Variants in ADGRL2 observed in about 807,000 individuals in gnomAD.
ADGRL2 encodes the protein adhesion G protein-coupled receptor L2, also known as calcium-independent alpha-latrotoxin receptor 2.
Under a neutral mutation model 157.4 loss-of-function variants are expected in ADGRL2, and 44 were observed. The ratio of observed to expected loss-of-function variants is 0.28; its 90% CI spans 0.22 to 0.36. ADGRL2 has a LOEUF of 0.36. ADGRL2 is among the 10% of genes least tolerant of loss of function. The probability of loss-of-function intolerance (pLI) is 1.00; values close to 1 mark genes in which losing one functional copy is unlikely to be tolerated. For synonymous variants in ADGRL2, 585 were observed against 624.7 expected (o/e 0.94, Z 0.95); for missense variants, 1,510 against 1,768.9 (o/e 0.85, Z 2.63).
intron 2 of ADGRL2, among the ~76,000 whole-genome samples, chr1:81,446,830 T>C (rs2077605435): frequency 6.6e-6 from 1 of 152,200 alleles, no homozygotes; most frequent in Admixed American, 6.5e-5. Context: ...ATTGATATTT[T>C]GACATAAGTG....
chr1:81,661,423 T>C (rs1477242469), intron 3 of ADGRL2, among the ~76,000 whole-genome samples: 1 of 152,172 alleles, frequency 6.6e-6, no homozygotes, highest in Non-Finnish European at 1.5e-5. Context: ...TTATCAAAGC[T>C]TATAGAAAAA....
At chr1:81,318,195 A>G (rs1660244664) in intron 1 of ADGRL2, among the ~76,000 whole-genome samples, 1 of 152,198 alleles carries the variant, frequency 6.6e-6, no homozygotes. Context: ...CAATAACAGT[A>G]TCAAATTATA....
chr1:81,907,375 A>G (rs2094604800), intron 3 of ADGRL2, 145 bp downstream of exon 3: 2 of 627,914 alleles, frequency 3.2e-6, no homozygotes, highest in South Asian at 3.9e-5. Context: ...TAATGTTGAT[A>G]TCTACACTTT....
chr1:81,805,564 A>G (rs1305446898), intron 1 of ADGRL2, among the ~76,000 whole-genome samples: 1 of 151,800 alleles, frequency 6.6e-6, no homozygotes, highest in Non-Finnish European at 1.5e-5. Context: ...ATTGCCTAAC[A>G]TTTTTAGCTT....
intron 1 of ADGRL2, among the ~76,000 whole-genome samples, chr1:81,709,775 A>G (rs1316209819): frequency 6.6e-6 from 1 of 152,182 alleles, no homozygotes; most frequent in Non-Finnish European, 1.5e-5. Context: ...ATATCATTAT[A>G]AAACAATATT....
rs533100943 is a variant in ADGRL2 at position 81,740,314 on chromosome 1, T to G, written c.-142-21497T>G. Among the ~76,000 whole-genome samples, 5 of 152,338 alleles carry G rather than the reference T, an allele frequency of 3.3e-5. No individual in the cohort carries two copies. The South Asian group carries it at 8.3e-4, about 25-fold the overall frequency. ...ATGCATATCCACTTTAAAAGGTTTA[T>G]TTGAACCAGGACAGAGCACAGTAAG... On this transcript the variant is annotated intron_variant, in intron 1 of 20. Transcript: ENST00000359929.
chr1:81,636,680 G>T, intron 3 of ADGRL2, among the ~76,000 whole-genome samples: 1 of 152,100 alleles, frequency 6.6e-6, no homozygotes, highest in East Asian at 1.9e-4. Flanking sequence ...GTTCTCTAGA[G>T]ATTAATGAAA....
At chr1:81,320,545 A>G (rs1026909754) in intron 1 of ADGRL2, among the ~76,000 whole-genome samples, 1 of 152,220 alleles carries the variant, frequency 6.6e-6, no homozygotes, top group Non-Finnish European at 1.5e-5. Flanking sequence ...TAGGCTGAAG[A>G]ATGGATGTTG....
chr1:81,614,789 C>T (rs762982505), intron 3 of ADGRL2, among the ~76,000 whole-genome samples: 3 of 151,064 alleles, frequency 2.0e-5, no homozygotes, highest in South Asian at 2.1e-4. Flanking sequence ...CTTTGGGAAG[C>T]GGAGGCAGAT....
chr1:81,722,002 C>T, intron 1 of ADGRL2: 1 of 514,718 alleles, frequency 1.9e-6, no homozygotes. Flanking sequence ...GATGAAAATG[C>T]AGAGATAGGA....
chr1:81,372,819 A>G (rs944474199), intron 1 of ADGRL2, among the ~76,000 whole-genome samples: 1 of 152,104 alleles, frequency 6.6e-6, no homozygotes, highest in African/African-American at 2.4e-5. Context: ...TTGATGATGT[A>G]CTCCCATATT....
chr1:81,903,846 C>CACACACACAT (rs556699551), intron 2 of ADGRL2, among the ~76,000 whole-genome samples: 4,903 of 145,640 alleles, frequency 0.034, 101 homozygotes, highest in East Asian at 0.065. Context: ...CACACACACA[C>CACACACACAT]ATATTTGGTT....
chr1:81,967,347 C>T (rs1442410596), intron 13 of ADGRL2, among the ~76,000 whole-genome samples: 1 of 151,768 alleles, frequency 6.6e-6, no homozygotes, highest in African/African-American at 2.4e-5. Context: ...CTGCCAGCTC[C>T]ACCTCCCGGG....
chr1:81,410,136 A>G (rs1449071347), intron 1 of ADGRL2, among the ~76,000 whole-genome samples: 3 of 152,220 alleles, frequency 2.0e-5, no homozygotes, highest in African/African-American at 4.8e-5. Flanking sequence ...CATCTAGAGC[A>G]TGACTTATTT....
chr1:81,487,253 CTG>C (rs2078528521), intron 2 of ADGRL2, among the ~76,000 whole-genome samples: 1 of 151,922 alleles, frequency 6.6e-6, no homozygotes, highest in African/African-American at 2.4e-5. Context: ...GAGTGAGACT[CTG>C]TTTCAAAAAA....
chr1:81,631,136 T>C (rs1045881444), intron 3 of ADGRL2, among the ~76,000 whole-genome samples: 1 of 152,138 alleles, frequency 6.6e-6, no homozygotes, highest in Non-Finnish European at 1.5e-5. Flanking sequence ...GATTTAATCA[T>C]GTCACTCACT....
At chr1:81,975,492 C>A (rs1659951773) in intron 17 of ADGRL2, among the ~76,000 whole-genome samples, 1 of 152,082 alleles carries the variant, frequency 6.6e-6, no homozygotes, top group African/African-American at 2.4e-5. Flanking sequence ...ATTGTTCTCT[C>A]CCTGCCTCTT....
rs765852979 is a variant in ADGRL2, at chr1:81,968,070, A to G, written c.2394A>G (p.Ser798=). ...FNANCSFWNY[S]ERTMMGYWST... ...CAAACTGCTCCTTCTGGAACTACTC[A>G]GAGAGAACTATGATGGGATATTGGT... is the stretch of plus-strand genomic sequence containing the variant. The change falls in exon 14 of 24, where the codon TCA becomes TCG. Residue 798 remains serine (S), a synonymous_variant. Transcript: ENST00000686636. 4 of 1,614,016 alleles carry G rather than the reference A, an allele frequency of 2.5e-6. No individual in the cohort carries two copies. In the East Asian group the frequency reaches 8.9e-5, roughly 36 times the overall value.
intron 3 of ADGRL2, among the ~76,000 whole-genome samples, chr1:81,910,519 C>T (rs555892454): frequency 6.6e-6 from 1 of 151,560 alleles, no homozygotes; most frequent in East Asian, 1.9e-4. Context: ...ATAAATGATA[C>T]CTCTTAACTG....
Sources: gnomAD v4.1 joint callset for allele counts (sites outside exome capture counted in the v4.1 genomes callset) on GRCh38, gnomAD v4.1.1 for gene constraint, MANE v1.5 for transcripts, NCBI Gene and HGNC (gene_info 2026-07-23, HGNC 2026-07-21) for gene names.